The following PARN variants were observed in gnomAD, a reference collection of about 807,000 sequenced individuals.
PARN encodes poly(A)-specific ribonuclease, also known as poly(A)-specific ribonuclease PARN.
In PARN, 71 loss-of-function variants were observed where a neutral mutation model predicts 102.8. That is an observed-to-expected ratio of 0.69 (90% confidence interval 0.57 to 0.84). PARN has a LOEUF of 0.84. Among genes scored for constraint, PARN ranks in the 40% least tolerant of loss-of-function variants. The probability of loss-of-function intolerance (pLI) is 0.00; values close to 1 mark genes in which losing one functional copy is unlikely to be tolerated. For synonymous variants in PARN, 261 were observed against 252.9 expected, an observed-to-expected ratio of 1.03 and a Z score of -0.30; for missense variants, 782 against 760.9, an observed-to-expected ratio of 1.03 and a Z score of -0.33.
chr16:14,480,952 T>TAAAC (rs1963346616), intron 22 of PARN, among the ~76,000 whole-genome samples: 2 of 151,192 alleles, frequency 1.3e-5, no homozygotes, highest in South Asian at 4.2e-4. Flanking sequence ...AATAAATAAA[T>TAAAC]AAATAAATAA....
At chr16:14,564,249 G>GC (rs1455983141) in intron 18 of PARN, among the ~76,000 whole-genome samples, 7 of 152,248 alleles carry the variant, frequency 4.6e-5, no homozygotes, top group Non-Finnish European at 8.8e-5. Flanking sequence ...GCAAGTGTAA[G>GC]CAAGTGCTCA....
chr16:14,569,664 T>C (rs180963012), intron 18 of PARN, among the ~76,000 whole-genome samples: 461 of 152,268 alleles, frequency 3.0e-3, no homozygotes, highest in Middle Eastern at 0.01. Context: ...CAAAATATCA[T>C]TGTTTTAATA....
chr16:14,465,687 G>A (rs1962302991), intron 22 of PARN, among the ~76,000 whole-genome samples: 1 of 152,012 alleles, frequency 6.6e-6, no homozygotes, highest in Non-Finnish European at 1.5e-5. Context: ...GAAATACAAA[G>A]GATCTAGAAT....
At chr16:14,588,352 A>G (rs1180339228) in intron 13 of PARN, among the ~76,000 whole-genome samples, 2 of 152,220 alleles carry the variant, frequency 1.3e-5, no homozygotes, top group African/African-American at 4.8e-5. Flanking sequence ...AAAAATAGTC[A>G]ACTGCCTAGA....
intron 21 of PARN, among the ~76,000 whole-genome samples, chr16:14,551,370 A>C (rs910706842): frequency 1.3e-5 from 2 of 151,934 alleles, no homozygotes; most frequent in Non-Finnish European, 2.9e-5. Flanking sequence ...GGAGTTTGAG[A>C]CCAAACCGGC....
chr16:14,622,146 T>C (rs1972345972), intron 5 of PARN, among the ~76,000 whole-genome samples: 1 of 152,066 alleles, frequency 6.6e-6, no homozygotes, highest in Non-Finnish European at 1.5e-5. Context: ...TGAGCCAAGA[T>C]AGTGCCACTG....
At chr16:14,460,349 C>T (rs528268065) in intron 22 of PARN, among the ~76,000 whole-genome samples, 45 of 152,282 alleles carry the variant, frequency 3.0e-4, no homozygotes, top group African/African-American at 1.0e-3. Flanking sequence ...AATAAAGGAA[C>T]TCTGAGGAAA....
At chr16:14,564,606 G>T (rs536972796) in intron 18 of PARN, among the ~76,000 whole-genome samples, 8 of 152,270 alleles carry the variant, frequency 5.3e-5, no homozygotes, top group African/African-American at 1.2e-4. Flanking sequence ...GGGACACAGA[G>T]GTTTAGTTTG....
chr16:14,600,482 C>T (rs972746108), intron 11 of PARN, among the ~76,000 whole-genome samples: 1 of 152,112 alleles, frequency 6.6e-6, no homozygotes, highest in Non-Finnish European at 1.5e-5. Context: ...CAGTGTCTCT[C>T]TTATCTTGAA....
At chr16:14,507,666 G>A (rs921424840) in intron 21 of PARN, among the ~76,000 whole-genome samples, 3 of 152,080 alleles carry the variant, frequency 2.0e-5, no homozygotes, top group African/African-American at 7.3e-5. Context: ...TCCAGCCTGG[G>A]TGACAGGGGG....
At chr16:14,495,970 AG>A (rs1420880968) in intron 21 of PARN, among the ~76,000 whole-genome samples, 1 of 152,190 alleles carries the variant, frequency 6.6e-6, no homozygotes, top group Non-Finnish European at 1.5e-5. Flanking sequence ...CTGGGAAGAC[AG>A]GAAGAGCAGA....
At position 14,435,941 on chromosome 16, in the gene PARN, C is replaced by CACACACAG. The variant is rs1278315469; in HGVS notation, c.*775_*776insCTGTGTGT. 12 of 146,428 alleles carry CACACACAG rather than the reference C, an allele frequency of 8.2e-5. 1 individual carries two copies. The highest frequency in any genetic ancestry group is 7.5e-5 in the Non-Finnish European group (5 of 66,456). The allele number at this position is 146,428 out of a possible 1,614,324, so 9.1% of individuals were successfully genotyped here. On this transcript the variant is annotated 3_prime_UTR_variant, in exon 24 of 24. Coordinates refer to ENST00000437198, the MANE Select transcript of PARN (RefSeq NM_002582.4). ...ACACACACACACACACACACACACA[C>CACACACAG]ACAGACACGTACGCACACACGCTGC...
intron 6 of PARN, among the ~76,000 whole-genome samples, chr16:14,616,690 G>A (rs1220352028): frequency 6.6e-6 from 1 of 152,108 alleles, no homozygotes; most frequent in Admixed American, 6.6e-5. Context: ...GCTCCGGTGA[G>A]CTATGATTGC....
intron 22 of PARN, among the ~76,000 whole-genome samples, chr16:14,474,628 G>A (rs1441898973): frequency 1.3e-5 from 2 of 152,178 alleles, no homozygotes; most frequent in Non-Finnish European, 2.9e-5. Context: ...AGAGGCACAC[G>A]CTGGGCTCTT....
chr16:14,515,800 C>T (rs1965429333), intron 21 of PARN, among the ~76,000 whole-genome samples: 1 of 151,692 alleles, frequency 6.6e-6, no homozygotes, highest in Non-Finnish European at 1.5e-5. Flanking sequence ...ATTAGCCAGG[C>T]ATACTGGCGC....
intron 13 of PARN, among the ~76,000 whole-genome samples, chr16:14,590,234 CAAAAAA>C (rs11302769): frequency 4.4e-5 from 2 of 45,954 alleles, no homozygotes; most frequent in African/African-American, 1.0e-4. Context: ...GACTCCATCT[CAAAAAA>C]AAAAAAAAAA....
Position 14,610,662 on chromosome 16 carries a change from TTC to T in PARN, c.534_535del (p.Lys179ValfsTer3). ...AACTTACACCACTTGGTCAATAAAC[TTC>T]TTTTGATCCTCAGGAATCGTGACAG... is the stretch of plus-strand genomic sequence containing the variant. On this transcript the variant is annotated frameshift_variant, in exon 7 of 24. Coordinates refer to ENST00000437198, the MANE Select transcript of PARN (RefSeq NM_002582.4). LOFTEE classifies it high-confidence loss of function. 6.2e-7 allele frequency: 1 copy of T among 1,609,812 alleles called. No individual in the cohort carries two copies. The highest frequency in any genetic ancestry group is 8.5e-7 in the Non-Finnish European group (1 of 1,176,190).
At position 14,486,603 on chromosome 16, in the gene PARN, T is replaced by A. The variant is rs568279311; in HGVS notation, c.1481-3776A>T. 6.4e-4 allele frequency among the ~76,000 whole-genome samples: 97 copies of A among 152,338 alleles called. 2 individuals are homozygous for A. In the South Asian group the frequency reaches 7.5e-3, roughly 12 times the overall value. ...ATCTGAGCACATTTGGAATTTAGGA[T>A]CACTTAAAAGGGGAAATAAATAACA... On this transcript the variant is annotated intron_variant, in intron 21 of 23. Transcript: ENST00000437198.
intron 21 of PARN, among the ~76,000 whole-genome samples, chr16:14,548,593 TAA>T (rs1967105885): frequency 6.6e-6 from 1 of 152,104 alleles, no homozygotes; most frequent in African/African-American, 2.4e-5. Flanking sequence ...GAAAACAATA[TAA>T]TAAGGTATAC....
Sources: allele counts gnomAD v4.1 joint callset (sites outside exome capture counted in the v4.1 genomes callset), GRCh38; gene constraint gnomAD v4.1.1; transcripts MANE v1.5; gene names NCBI Gene and HGNC (gene_info 2026-07-23, HGNC 2026-07-21).